NXPE2: variants seen among roughly 807,000 people sequenced by gnomAD.
NXPE2 encodes NXPE family member 2.
NXPE2 carries 34 observed loss-of-function variants against 34.4 expected under a neutral mutation model. The observed-to-expected ratio is 0.99, with a 90% CI of 0.75 to 1.31. The LOEUF is 1.31. NXPE2 is among the 40% of genes most tolerant of loss of function. The pLI, the probability that NXPE2 is intolerant of heterozygous loss-of-function variation, is 0.00. For synonymous variants in NXPE2, 235 were observed against 231.3 expected (o/e 1.02, Z -0.15); for missense variants, 649 against 672.5 (o/e 0.97, Z 0.39).
At chr11:114,686,936 C>T (rs558311866) in intron 2 of NXPE2, among the ~76,000 whole-genome samples, 1 of 152,124 alleles carries the variant, frequency 6.6e-6, no homozygotes, top group East Asian at 1.9e-4. Context: ...TGTTAGTGTC[C>T]TTCACCTACT....
At chr11:114,662,079 A>G in the NXPE2 span, among the ~76,000 whole-genome samples, 1 of 152,182 alleles carries the variant, frequency 6.6e-6, no homozygotes, top group Admixed American at 6.5e-5. Flanking sequence ...GCACTTTTAT[A>G]AGAACCAAAA....
At chr11:114,497,347 T>G in the NXPE2 span, among the ~76,000 whole-genome samples, 9 of 152,194 alleles carry the variant, frequency 5.9e-5, no homozygotes, top group African/African-American at 1.9e-4. Context: ...TTTATAATAG[T>G]GTGTATAATG....
At chr11:114,591,571 C>T in the NXPE2 span, among the ~76,000 whole-genome samples, 1 of 152,062 alleles carries the variant, frequency 6.6e-6, no homozygotes, top group Non-Finnish European at 1.5e-5. Flanking sequence ...GAAATTAAGC[C>T]TCAGTACTCC....
At chr11:114,641,413 T>A in the NXPE2 span, among the ~76,000 whole-genome samples, 1 of 152,042 alleles carries the variant, frequency 6.6e-6, no homozygotes, top group African/African-American at 2.4e-5. Flanking sequence ...TTCAAATTCA[T>A]CATTTAAATG....
At chr11:114,731,354 C>T in the NXPE2 span, among the ~76,000 whole-genome samples, 2 of 152,102 alleles carry the variant, frequency 1.3e-5, no homozygotes, top group Admixed American at 6.6e-5. Flanking sequence ...CCATATGAAC[C>T]AGAGACTGTA....
At chr11:114,669,453 C>CT in the NXPE2 span, among the ~76,000 whole-genome samples, 2 of 152,062 alleles carry the variant, frequency 1.3e-5, no homozygotes, top group African/African-American at 4.8e-5. Flanking sequence ...TATCCCTTTT[C>CT]ATTCCTTCCA....
rs1951483429 is a variant in NXPE2, at chr11:114,706,762, C to T, written c.1512C>T (p.Asp504=). ...AACAAAATGCAGAGATGTTCAGTGA[C>T]TTTCATGGCTATATTCAGAATCTTA... is the stretch of plus-strand genomic sequence containing the variant. The part of the protein sequence containing the change: ...EIEQNAEMFS[D]FHGYIQNLII... The change falls in exon 6 of 6, where the codon GAC becomes GAT. Residue 504 remains aspartate (D), a synonymous_variant. Coordinates refer to ENST00000389586, the MANE Select transcript of NXPE2 (RefSeq NM_182495.6). The T allele has an allele frequency of 5.2e-6, 8 of 1,552,372 alleles. No homozygotes were observed. Among genetic ancestry groups the T allele is most frequent in the Non-Finnish European group, 7.0e-6 (8 of 1,147,092 alleles).
the NXPE2 span, among the ~76,000 whole-genome samples, chr11:114,782,367 G>T: frequency 6.6e-6 from 1 of 152,192 alleles, no homozygotes; most frequent in Non-Finnish European, 1.5e-5. Context: ...TTGGCTTTTA[G>T]ATGTGCTGTG....
At chr11:114,752,339 G>A in the NXPE2 span, among the ~76,000 whole-genome samples, 1 of 152,218 alleles carries the variant, frequency 6.6e-6, no homozygotes. Context: ...CGGTCTGCAG[G>A]TCACTACAAT....
chr11:114,714,577 G>C, the NXPE2 span, among the ~76,000 whole-genome samples: 10 of 152,192 alleles, frequency 6.6e-5, no homozygotes, highest in South Asian at 2.1e-4. Flanking sequence ...CCAGGCCTCT[G>C]TATCTCCCAT....
chr11:114,516,750 A>G, the NXPE2 span, among the ~76,000 whole-genome samples: 2 of 152,280 alleles, frequency 1.3e-5, no homozygotes, highest in South Asian at 2.1e-4. Context: ...TCCCTTTTGT[A>G]CATGCTGTTC....
chr11:114,507,036 G>A, the NXPE2 span, among the ~76,000 whole-genome samples: 54 of 151,732 alleles, frequency 3.6e-4, no homozygotes, highest in South Asian at 7.7e-3. Context: ...AATGACAAGG[G>A]GAATATTACC....
the NXPE2 span, among the ~76,000 whole-genome samples, chr11:114,813,336 C>T: frequency 6.6e-6 from 1 of 152,194 alleles, no homozygotes; most frequent in South Asian, 2.1e-4. Flanking sequence ...GACCATTCAT[C>T]TCTCTGCCAT....
the NXPE2 span, among the ~76,000 whole-genome samples, chr11:114,741,767 TAAAAC>T: frequency 4.6e-5 from 7 of 152,328 alleles, no homozygotes; most frequent in South Asian, 1.4e-3. Flanking sequence ...TGAGATGTCT[TAAAAC>T]AATATTTTTC....
At chr11:114,701,086 A>T (rs1951357106) in intron 3 of NXPE2, among the ~76,000 whole-genome samples, 1 of 152,170 alleles carries the variant, frequency 6.6e-6, no homozygotes, top group African/African-American at 2.4e-5. Context: ...GGTATGGAAA[A>T]ATCTCTTTAT....
chr11:114,795,172 G>A, the NXPE2 span, among the ~76,000 whole-genome samples: 1 of 152,166 alleles, frequency 6.6e-6, no homozygotes, highest in Non-Finnish European at 1.5e-5. Flanking sequence ...TGACAATCCT[G>A]GGAGGTGAAG....
chr11:114,679,525 A>G (rs532837141), intron 1 of NXPE2, 132 bp from the exon 2 acceptor site: 43 of 526,824 alleles, frequency 8.2e-5, no homozygotes, highest in African/African-American at 7.6e-4. Flanking sequence ...AATAGAAGAT[A>G]TAAAGGAACT....
chr11:114,794,692 G>T, the NXPE2 span, among the ~76,000 whole-genome samples: 2 of 152,184 alleles, frequency 1.3e-5, no homozygotes, highest in Non-Finnish European at 2.9e-5. Context: ...GGAGGAATTT[G>T]ACCTCCAAAT....
At chr11:114,522,356 A>G in the NXPE2 span, 3 of 1,614,078 alleles carry the variant, frequency 1.9e-6, no homozygotes, top group Non-Finnish European at 2.5e-6. Context: ...TTCCCGAGGG[A>G]TATAATCATG....
Sources: gnomAD v4.1 joint callset for allele counts (sites outside exome capture counted in the v4.1 genomes callset) on GRCh38, gnomAD v4.1.1 for gene constraint, MANE v1.5 for transcripts, NCBI Gene and HGNC (gene_info 2026-07-23, HGNC 2026-07-21) for gene names.